OSGIN2: variants seen among roughly 807,000 people sequenced by gnomAD.
The protein encoded by OSGIN2 is oxidative stress induced growth inhibitor family member 2.
OSGIN2 carries 19 observed loss-of-function variants against 53.8 expected under a neutral mutation model. The observed-to-expected ratio is 0.35, with a 90% CI of 0.25 to 0.52. The LOEUF (loss-of-function observed/expected upper bound fraction) is 0.52, where lower values mean the gene tolerates loss of function less well. Among genes scored for constraint, OSGIN2 ranks in the 20% least tolerant of loss-of-function variants. The pLI, the probability that OSGIN2 is intolerant of heterozygous loss-of-function variation, is 0.95. For synonymous variants in OSGIN2, 236 were observed against 236.0 expected (o/e 1.00, Z 0.00); for missense variants, 520 against 662.7 (o/e 0.78, Z 2.36).
At chr8:89,923,897 AAC>A (rs1491073713) in intron 5 of OSGIN2, among the ~76,000 whole-genome samples, 2 of 112,486 alleles carry the variant, frequency 1.8e-5, no homozygotes, top group East Asian at 2.2e-4. Context: ...AGTTTTTCAT[AAC>A]AGTTATGTTT....
chr8:89,915,709 T>C (rs1339996714), intron 4 of OSGIN2, among the ~76,000 whole-genome samples: 2 of 152,206 alleles, frequency 1.3e-5, no homozygotes, highest in Non-Finnish European at 2.9e-5. Context: ...TTTAACATAT[T>C]ACATACCAAA....
Position 89,909,624 on chromosome 8 carries a change from T to C in OSGIN2, c.102T>C (p.Phe34=). Residue 34 remains phenylalanine, a synonymous_variant, in exon 2 of 6, where the codon TTT becomes TTC. Transcript: ENST00000451899. The part of the protein sequence containing the change: ...GEIFNSLVQY[F]GDNLGRKVKA... ...TTTTTAATTCCTTAGTGCAATACTT[T>C]GGTGACAACTTGGGGCGAAAAGTTA... 6.2e-7 allele frequency: 1 copy of C among 1,610,206 alleles called. No homozygotes were observed. The highest frequency in any genetic ancestry group is 2.2e-5 in the East Asian group (1 of 44,774).
intron 2 of OSGIN2, among the ~76,000 whole-genome samples, chr8:89,911,626 C>CT (rs1207706539): frequency 2.5e-5 from 3 of 121,752 alleles, no homozygotes; most frequent in East Asian, 2.4e-4. Context: ...GAAACTCTGT[C>CT]TAAAAAAAAA....
At chr8:89,921,808 CCT>C (rs1809210479) in intron 5 of OSGIN2, among the ~76,000 whole-genome samples, 1 of 152,006 alleles carries the variant, frequency 6.6e-6, no homozygotes, top group Non-Finnish European at 1.5e-5. Flanking sequence ...ATGGTGAAAC[CCT>C]GTTTACTAAA....
intron 1 of OSGIN2, 122 bp downstream of exon 1, chr8:89,902,959 C>T: frequency 1.9e-6 from 1 of 533,092 alleles, no homozygotes; most frequent in South Asian, 6.5e-5. Context: ...CGTCCTCCCG[C>T]CTCGGCCGTC....
chr8:89,909,713 T>G lies in OSGIN2; in HGVS notation c.191T>G (p.Val64Gly). The G allele has an allele frequency of 6.3e-7, 1 of 1,592,106 alleles. No homozygotes were observed. Among genetic ancestry groups the G allele is most frequent in the Non-Finnish European group, 8.6e-7 (1 of 1,163,546 alleles). ...GATTCGTCAGTGACTTTTCCTGTGG[T>G]AATAATAGGTAAGTTATTGTATTTT... is the stretch of plus-strand genomic sequence containing the variant. ...LEDSSVTFPV[V>G]IIGNGPSGIC... is the part of the protein sequence containing the mutation. The change falls in exon 2 of 6, where the codon GTA becomes GGA. Residue 64 changes from valine (V) to glycine (G), a missense_variant. Around this residue, in one of 3 missense-constraint regions of OSGIN2, gnomAD observed 203 missense variants for 275.3 expected, o/e 0.74. Coordinates refer to ENST00000451899, the MANE Select transcript of OSGIN2 (RefSeq NM_001126111.3).
Position 89,902,838 on chromosome 8 carries a change from GTGACT to G in OSGIN2, c.44+3_44+7del. ...GCTGCTCCCTGGCCGGTCATTTCAG[GTGACT>G]TCCTCGCCGGGGATGGGAGGGGAGC... is the stretch of plus-strand genomic sequence containing the variant. On this transcript the variant is annotated splice_donor_variant and splice_donor_5th_base_variant and intron_variant, in intron 1 of 5. Coordinates refer to ENST00000451899, the MANE Select transcript of OSGIN2 (RefSeq NM_001126111.3). LOFTEE classifies it high-confidence loss of function. 7.2e-7 allele frequency: 1 copy of G among 1,380,318 alleles called. No homozygotes were observed. Among genetic ancestry groups the G allele is most frequent in the Non-Finnish European group, 9.6e-7 (1 of 1,046,994 alleles). The allele number at this position is 1,380,318 out of a possible 1,614,324, so 85.5% of individuals were successfully genotyped here. A position where few individuals can be genotyped will look rare whatever the true frequency, so the allele number is the denominator to read the frequency against.
chr8:89,909,240 A>G (rs1487748859), intron 1 of OSGIN2, among the ~76,000 whole-genome samples: 1 of 151,776 alleles, frequency 6.6e-6, no homozygotes, highest in Non-Finnish European at 1.5e-5. Context: ...GACACTAGCC[A>G]TTTCTAGGCT....
In OSGIN2 at chr8:89,925,662, A is replaced by T; in HGVS notation, c.*130A>T. 1 of 653,770 alleles carries T rather than the reference A, an allele frequency of 1.5e-6. No individual in the cohort carries two copies. Among genetic ancestry groups the T allele is most frequent in the Non-Finnish European group, 2.5e-6 (1 of 392,704 alleles). 40.5% of individuals were successfully genotyped at this position (653,770 alleles called of 1,614,324 possible). A position where few individuals can be genotyped will look rare whatever the true frequency, so the allele number is the denominator to read the frequency against. On this transcript the variant is annotated 3_prime_UTR_variant, in exon 6 of 6. Coordinates refer to ENST00000451899, the MANE Select transcript of OSGIN2 (RefSeq NM_001126111.3). ...GAGAGCCTCAAACTATAGTAACTTC[A>T]TTTTTAAAAGTTACTAGAATTTGGT...
chr8:89,927,171 C>T lies in OSGIN2; in HGVS notation c.*1639C>T, dbSNP rs1443384437. 6.6e-6 allele frequency: 1 copy of T among 151,990 alleles called. No individual in the cohort carries two copies. Among genetic ancestry groups the T allele is most frequent in the African/African-American group, 2.4e-5 (1 of 41,370 alleles). The allele number at this position is 151,990 out of a possible 1,614,324, so 9.4% of individuals were successfully genotyped here. A position where few individuals can be genotyped will look rare whatever the true frequency, so the allele number is the denominator to read the frequency against. On this transcript the variant is annotated 3_prime_UTR_variant, in exon 6 of 6. Coordinates refer to ENST00000451899, the MANE Select transcript of OSGIN2 (RefSeq NM_001126111.3). ...TTGGATTAGATGTTTTTCTTACTGT[C>T]ACTTCTAAATAGAAAATGACAGTGT...
At chr8:89,923,361 TTAA>T (rs952107766) in intron 5 of OSGIN2, among the ~76,000 whole-genome samples, 25 of 152,296 alleles carry the variant, frequency 1.6e-4, no homozygotes, top group Admixed American at 5.9e-4. Flanking sequence ...ATTCTAAATC[TTAA>T]TAATAATTAT....
chr8:89,905,659 C>T (rs1373228586), intron 1 of OSGIN2, among the ~76,000 whole-genome samples: 1 of 152,170 alleles, frequency 6.6e-6, no homozygotes, highest in African/African-American at 2.4e-5. Flanking sequence ...AGGTTTACTA[C>T]AAATAGTTTA....
chr8:89,924,581 G>A lies in OSGIN2; in HGVS notation c.699G>A (p.Gln233=), dbSNP rs775116625. The change falls in exon 6 of 6, where the codon CAG becomes CAA. Residue 233 remains glutamine, a synonymous_variant. Transcript: ENST00000451899. ...YKHYVKVMGL[Q]KNFRENTYIT... is the part of the protein sequence containing the mutation. The stretch of plus-strand genomic sequence containing the variant: ...ATTATGTAAAAGTCATGGGTCTTCA[G>A]AAGAATTTCAGAGAGAATACTTACA... The A allele has an allele frequency of 1.2e-6, 2 of 1,613,870 alleles. No homozygotes were observed. The highest frequency in any genetic ancestry group is 1.6e-4 in the Middle Eastern group (1 of 6,062).
chr8:89,904,594 C>G (rs1808796422), intron 1 of OSGIN2, among the ~76,000 whole-genome samples: 1 of 151,892 alleles, frequency 6.6e-6, no homozygotes, highest in Non-Finnish European at 1.5e-5. Context: ...TGCTATTTCT[C>G]GAGCAGTTTC....
rs142663871 is a variant in OSGIN2 at position 89,923,043 on chromosome 8, G to A, written c.621-1460G>A. On this transcript the variant is annotated intron_variant, in intron 5 of 5. Transcript: ENST00000451899. Reference sequence around the variant, plus strand: ...AAAAATGGTATACCTGTATAAGGGCGCTTACCATGAATGGAGCTTGGAGGG... The same window carrying A: ...AAAAATGGTATACCTGTATAAGGGCACTTACCATGAATGGAGCTTGGAGGG... Among the ~76,000 whole-genome samples the A allele has an allele frequency of 1.8e-4, 28 of 152,194 alleles. No individual in the cohort carries two copies. The East Asian group carries it at 2.9e-3, about 16-fold the overall frequency.
At position 89,925,031 on chromosome 8, in the gene OSGIN2, C is replaced by T; in HGVS notation, c.1149C>T (p.Ser383=). 6.2e-7 allele frequency: 1 copy of T among 1,613,718 alleles called. No individual in the cohort carries two copies. Among genetic ancestry groups the T allele is most frequent in the South Asian group, 1.1e-5 (1 of 91,084 alleles). ...HVFRRRVTDP[S]LIFKQLPKKL... is the part of the protein sequence containing the mutation. The stretch of plus-strand genomic sequence containing the variant: ...TTCGCAGACGAGTAACTGATCCAAG[C>T]TTAATTTTCAAACAGCTTCCCAAAA... The change falls in exon 6 of 6, where the codon AGC becomes AGT. Residue 383 remains serine, a synonymous_variant. Transcript: ENST00000451899.
chr8:89,916,981 TTCCAGACTGTC>T (rs903277393), intron 4 of OSGIN2, among the ~76,000 whole-genome samples: 9 of 152,170 alleles, frequency 5.9e-5, no homozygotes, highest in South Asian at 2.1e-4. Flanking sequence ...TTTTCTACCA[TTCCAGACTGTC>T]TCCAGACTGT....
At chr8:89,911,887 G>A (rs1364123355) in intron 2 of OSGIN2, among the ~76,000 whole-genome samples, 5 of 151,694 alleles carry the variant, frequency 3.3e-5, no homozygotes, top group Non-Finnish European at 5.9e-5. Context: ...GCAATGAGCC[G>A]AGATCGCACC....
At chr8:89,915,164 C>T (rs1181286685) in intron 4 of OSGIN2, among the ~76,000 whole-genome samples, 1 of 152,126 alleles carries the variant, frequency 6.6e-6, no homozygotes, top group Non-Finnish European at 1.5e-5. Flanking sequence ...TCTGCGATAA[C>T]AAAATGCCAT....
Sources: gnomAD v4.1 joint callset for allele counts (sites outside exome capture counted in the v4.1 genomes callset) on GRCh38, gnomAD v4.1.1 for gene constraint, gnomAD v4.1.1 regional missense constraint, MANE v1.5 for transcripts, NCBI Gene and HGNC (gene_info 2026-07-23, HGNC 2026-07-21) for gene names.